The following CELF2 variants were observed in gnomAD, a reference collection of about 807,000 sequenced individuals.
The protein encoded by CELF2 is CUG triplet repeat RNA-binding protein 2.
Under a neutral mutation model 62.6 loss-of-function variants are expected in CELF2, and 8 were observed. The ratio of observed to expected loss-of-function variants is 0.13; its 90% CI spans 0.07 to 0.23. The LOEUF is 0.23. Ranked by LOEUF, CELF2 falls within the 10% of genes least tolerant of loss-of-function variation. The pLI, the probability that CELF2 is intolerant of heterozygous loss-of-function variation, is 1.00. For synonymous variants in CELF2, 258 were observed against 250.0 expected (o/e 1.03, Z -0.30); for missense variants, 333 against 671.0 (o/e 0.50, Z 5.56).
At chr10:10,884,420 C>A (rs564073978) in intron 1 of CELF2, among the ~76,000 whole-genome samples, 2 of 152,170 alleles carry the variant, frequency 1.3e-5, no homozygotes, top group African/African-American at 4.8e-5. Flanking sequence ...ATTGCTAAAC[C>A]TGCTTTTAAA....
chr10:10,629,936 T>A, the CELF2 span, among the ~76,000 whole-genome samples: 1 of 150,202 alleles, frequency 6.7e-6, no homozygotes, highest in South Asian at 2.1e-4. Context: ...TTAGATGTCT[T>A]GCTCCTAAAG....
chr10:10,498,663 G>A, the CELF2 span, among the ~76,000 whole-genome samples: 3 of 152,154 alleles, frequency 2.0e-5, no homozygotes, highest in African/African-American at 2.4e-5. Flanking sequence ...CTTCCCCATC[G>A]TGGAGCTAAC....
intron 2 of CELF2, among the ~76,000 whole-genome samples, chr10:11,173,991 C>A (rs770763532): frequency 6.6e-6 from 1 of 152,080 alleles, no homozygotes; most frequent in South Asian, 2.1e-4. Flanking sequence ...GATGTTCCGA[C>A]CCATACTGAG....
At chr10:11,216,057 A>G (rs771247147) in intron 2 of CELF2, among the ~76,000 whole-genome samples, 2 of 152,194 alleles carry the variant, frequency 1.3e-5, no homozygotes, top group Non-Finnish European at 2.9e-5. Flanking sequence ...GAAATGTTAT[A>G]ATGTTCAGTT....
the CELF2 span, among the ~76,000 whole-genome samples, chr10:10,563,261 G>A: frequency 6.6e-6 from 1 of 152,128 alleles, no homozygotes; most frequent in Non-Finnish European, 1.5e-5. Flanking sequence ...AGGATCCTGG[G>A]CAAGGGGTAG....
rs1200766925 is a variant in CELF2 at position 11,314,833 on chromosome 10, GGA to G, written c.1096+579_1096+580del. On this transcript the variant is annotated intron_variant, in intron 10 of 12. Transcript: ENST00000633077. The surrounding 1 kb of genome is among the most constrained non-coding windows in gnomAD (Gnocchi z 5.3). ...TGGAAAGAAGGAAATGAAACTGAGG[GGA>G]GAGGAGCCACTGCTGGCAGTGACAT... is the stretch of plus-strand genomic sequence containing the variant. The G allele has an allele frequency of 1.1e-5, 2 of 174,414 alleles. No homozygotes were observed. Among genetic ancestry groups the G allele is most frequent in the African/African-American group, 4.8e-5 (2 of 41,674 alleles). 10.8% of individuals were successfully genotyped at this position (174,414 alleles called of 1,614,324 possible). A position where few individuals can be genotyped will look rare whatever the true frequency, so the allele number is the denominator to read the frequency against.
intron 4 of CELF2, among the ~76,000 whole-genome samples, chr10:11,254,111 A>G (rs1296104449): frequency 6.6e-6 from 1 of 152,240 alleles, no homozygotes; most frequent in Non-Finnish European, 1.5e-5. Context: ...TGAACTCAAA[A>G]TAACTGTGTT....
the CELF2 span, among the ~76,000 whole-genome samples, chr10:10,776,056 C>T: frequency 9.6e-3 from 1,457 of 152,302 alleles, 20 homozygotes; most frequent in African/African-American, 0.033. Flanking sequence ...TTAATAGAAA[C>T]CTCCACTTCA....
chr10:10,531,819 G>A, the CELF2 span, among the ~76,000 whole-genome samples: 1 of 152,150 alleles, frequency 6.6e-6, no homozygotes, highest in African/African-American at 2.4e-5. Flanking sequence ...GAAATAAAAG[G>A]CAATATCAAT....
In CELF2 at chr10:11,159,801, G is replaced by T. The variant is rs1391180313; in HGVS notation, c.75-5685G>T. Among the ~76,000 whole-genome samples the T allele has an allele frequency of 6.6e-6, 1 of 152,206 alleles. No individual in the cohort carries two copies. Among genetic ancestry groups the T allele is most frequent in the African/African-American group, 2.4e-5 (1 of 41,452 alleles). On this transcript the variant is annotated intron_variant, in intron 1 of 12. Coordinates refer to ENST00000633077, the MANE Select transcript of CELF2 (RefSeq NM_001326342.2). The surrounding 1 kb of genome is among the most constrained non-coding windows in gnomAD (Gnocchi z 5.0). ...TTCCTGTAATAACCAAACAAAGCCT[G>T]TTTCTTCGTGTGCTATTACTTAAGT...
chr10:11,290,732 G>C lies in CELF2; in HGVS notation c.976+2180G>C, dbSNP rs1357981497. On this transcript the variant is annotated intron_variant, in intron 9 of 12. Coordinates refer to ENST00000633077, the MANE Select transcript of CELF2 (RefSeq NM_001326342.2). The surrounding 1 kb of genome is among the most constrained non-coding windows in gnomAD (Gnocchi z 4.3). Reference sequence around the variant, plus strand: ...CCTTGCCTTGACTGCTCTGTAAGAGGCTTCTTGCCCTTCAGAACACGCCGC... The same window carrying C: ...CCTTGCCTTGACTGCTCTGTAAGAGCCTTCTTGCCCTTCAGAACACGCCGC... 6.6e-6 allele frequency among the ~76,000 whole-genome samples: 1 copy of C among 152,166 alleles called. No homozygotes were observed. Among genetic ancestry groups the C allele is most frequent in the Non-Finnish European group, 1.5e-5 (1 of 68,040 alleles).
the CELF2 span, among the ~76,000 whole-genome samples, chr10:10,731,854 G>C: frequency 6.6e-6 from 1 of 152,150 alleles, no homozygotes; most frequent in Non-Finnish European, 1.5e-5. Context: ...CTGTGGAAAA[G>C]TGAGTCAGGA....
At chr10:11,265,284 A>T (rs76988354) in intron 5 of CELF2, among the ~76,000 whole-genome samples, 1 of 152,238 alleles carries the variant, frequency 6.6e-6, no homozygotes. Flanking sequence ...TCTGCTTTTC[A>T]TGCATTCACT....
In CELF2 at chr10:11,177,944, GCC is replaced by G. The variant is rs2071829626; in HGVS notation, c.271+12265_271+12266del. Among the ~76,000 whole-genome samples, 5 of 152,190 alleles carry G rather than the reference GCC, an allele frequency of 3.3e-5. No individual in the cohort carries two copies. Among genetic ancestry groups the G allele is most frequent in the Non-Finnish European group, 5.9e-5 (4 of 68,044 alleles). The stretch of plus-strand genomic sequence containing the variant: ...GTCCTGGTGGTGGCCTTAGAAGACA[GCC>G]CCTGTGAGGCTCAGTAAGCCGCAGC... On this transcript the variant is annotated intron_variant, in intron 2 of 12. Transcript: ENST00000633077. This position sits in a 1 kb window ranked among gnomAD's most constrained non-coding sequence, Gnocchi z 4.8.
At chr10:10,750,969 T>C in the CELF2 span, among the ~76,000 whole-genome samples, 74 of 152,342 alleles carry the variant, frequency 4.9e-4, no homozygotes, top group African/African-American at 1.7e-3. Flanking sequence ...TTAAAGATGA[T>C]ACAAAGACCT....
chr10:11,226,803 T>C (rs1193091289), intron 3 of CELF2, among the ~76,000 whole-genome samples: 1 of 152,180 alleles, frequency 6.6e-6, no homozygotes, highest in Non-Finnish European at 1.5e-5. Flanking sequence ...CACGGAGCTT[T>C]CTAAGAGGAA....
At chr10:10,511,920 T>C in the CELF2 span, among the ~76,000 whole-genome samples, 3 of 152,160 alleles carry the variant, frequency 2.0e-5, no homozygotes, top group African/African-American at 7.2e-5. Flanking sequence ...TATTTTGAAA[T>C]GCAAACATGA....
the CELF2 span, among the ~76,000 whole-genome samples, chr10:10,467,337 A>C: frequency 1.8e-3 from 278 of 152,044 alleles, 2 homozygotes; most frequent in Non-Finnish European, 8.5e-4. Flanking sequence ...ATTACTAAAA[A>C]GACTATTCTT....
chr10:10,708,902 C>T, the CELF2 span, among the ~76,000 whole-genome samples: 9 of 152,208 alleles, frequency 5.9e-5, no homozygotes, highest in East Asian at 1.4e-3. Flanking sequence ...GGAACATGCA[C>T]GTACATCCAA....
Sources: allele counts gnomAD v4.1 joint callset (sites outside exome capture counted in the v4.1 genomes callset), GRCh38; gene constraint gnomAD v4.1.1; non-coding constraint Gnocchi (gnomAD v3.1); transcripts MANE v1.5; gene names NCBI Gene and HGNC (gene_info 2026-07-23, HGNC 2026-07-21).